Variants in HPSE2 observed in about 807,000 individuals in gnomAD.
HPSE2 encodes heparanase 2 (inactive), also known as inactive heparanase-2.
In HPSE2, 38 loss-of-function variants were observed where a neutral mutation model predicts 60.5. That is an observed-to-expected ratio of 0.63 (90% CI 0.48 to 0.82). The LOEUF is 0.82. HPSE2 is among the 40% of genes least tolerant of loss of function. The pLI is 0.00. For missense variants in HPSE2, 713 were observed against 740.4 expected (o/e 0.96, Z 0.43); for synonymous variants, 295 against 293.2 (o/e 1.01, Z -0.06).
intron 3 of HPSE2, among the ~76,000 whole-genome samples, chr10:99,033,792 A>T (rs10883250): frequency 0.47 from 71,903 of 151,848 alleles, 19,669 homozygotes; most frequent in Non-Finnish European, 0.62. Context: ...CAAAAAAAAA[A>T]AAACACAAAA....
At chr10:98,820,073 G>T (rs559110741) in intron 3 of HPSE2, among the ~76,000 whole-genome samples, 1 of 152,078 alleles carries the variant, frequency 6.6e-6, no homozygotes, top group East Asian at 1.9e-4. Flanking sequence ...TGGACACTGG[G>T]AGTCAAATTT....
the HPSE2 span, among the ~76,000 whole-genome samples, chr10:99,264,366 C>T: frequency 6.6e-5 from 10 of 152,152 alleles, no homozygotes; most frequent in African/African-American, 9.7e-5. Flanking sequence ...GGATTACAGG[C>T]GTGAGGCACT....
At chr10:98,803,745 T>G (rs1293394231) in intron 3 of HPSE2, among the ~76,000 whole-genome samples, 2 of 150,972 alleles carry the variant, frequency 1.3e-5, no homozygotes, top group Non-Finnish European at 3.0e-5. Flanking sequence ...TAGTTTGAAG[T>G]CAGGTAGCAT....
At chr10:98,850,336 GAATT>G (rs974110134) in intron 3 of HPSE2, among the ~76,000 whole-genome samples, 3 of 152,098 alleles carry the variant, frequency 2.0e-5, no homozygotes, top group Non-Finnish European at 2.9e-5. Context: ...GATAAAGAAA[GAATT>G]AATAGGAACA....
intron 3 of HPSE2, among the ~76,000 whole-genome samples, chr10:98,842,988 C>G (rs1292023997): frequency 6.6e-6 from 1 of 152,020 alleles, no homozygotes; most frequent in Non-Finnish European, 1.5e-5. Flanking sequence ...CAGTAGTATA[C>G]ATTTATGTTT....
the HPSE2 span, among the ~76,000 whole-genome samples, chr10:99,291,802 C>T: frequency 6.6e-6 from 1 of 152,106 alleles, no homozygotes; most frequent in African/African-American, 2.4e-5. Context: ...CTTTTTCTTC[C>T]TTGGCTCACA....
intron 3 of HPSE2, among the ~76,000 whole-genome samples, chr10:99,042,727 C>T (rs1203507557): frequency 6.6e-6 from 1 of 151,846 alleles, no homozygotes; most frequent in African/African-American, 2.4e-5. Context: ...TGGCCCCTCA[C>T]CTAACATTCA....
intron 3 of HPSE2, among the ~76,000 whole-genome samples, chr10:98,834,104 G>A (rs1366368623): frequency 6.6e-6 from 1 of 152,078 alleles, no homozygotes; most frequent in Non-Finnish European, 1.5e-5. Context: ...CCAACTGATT[G>A]TAAAACACAC....
chr10:98,638,197 G>A (rs1391810766), intron 7 of HPSE2, among the ~76,000 whole-genome samples: 1 of 138,906 alleles, frequency 7.2e-6, no homozygotes, highest in Non-Finnish European at 1.5e-5. Context: ...TGTAATCCCA[G>A]CACTTTGGGA....
intron 3 of HPSE2, among the ~76,000 whole-genome samples, chr10:98,816,966 C>T (rs141265102): frequency 0.013 from 2,032 of 152,164 alleles, 29 homozygotes; most frequent in South Asian, 0.036. Flanking sequence ...TCTTTGGAAT[C>T]GGATGAGGTA....
chr10:98,917,828 T>C (rs1954164732), intron 3 of HPSE2, among the ~76,000 whole-genome samples: 1 of 152,240 alleles, frequency 6.6e-6, no homozygotes, highest in Non-Finnish European at 1.5e-5. Context: ...GGAAGTTTCA[T>C]TTCTTTTCTG....
the HPSE2 span, among the ~76,000 whole-genome samples, chr10:99,257,661 G>C: frequency 1.3e-5 from 2 of 152,162 alleles, no homozygotes; most frequent in Non-Finnish European, 2.9e-5. Flanking sequence ...CCCTGGTCCT[G>C]TGGTCCTGTG....
Position 98,517,427 on chromosome 10 carries a change from T to C in HPSE2, c.1321-27231A>G, listed in dbSNP as rs564400737. Among the ~76,000 whole-genome samples, 6 of 152,206 alleles carry C rather than the reference T, an allele frequency of 3.9e-5. No homozygotes were observed. In the South Asian group the frequency reaches 1.2e-3, roughly 32 times the overall value. On this transcript the variant is annotated intron_variant, in intron 9 of 11. Transcript: ENST00000370552. ...GAGTGTGGCAAATGGAAAACACTGG[T>C]TCATTCCCTTCCCATAGAACATCAG...
intron 9 of HPSE2, among the ~76,000 whole-genome samples, chr10:98,530,215 T>G (rs1049614248): frequency 5.9e-5 from 9 of 152,200 alleles, no homozygotes; most frequent in African/African-American, 2.2e-4. Context: ...CGCTCTCTCC[T>G]GCTCAAAGGT....
intron 1 of HPSE2, among the ~76,000 whole-genome samples, chr10:99,233,258 G>T (rs1210826811): frequency 6.6e-6 from 1 of 151,960 alleles, no homozygotes; most frequent in African/African-American, 2.4e-5. Context: ...TTTGGCCCCT[G>T]AAATAATTCC....
In HPSE2 at chr10:98,620,715, A is replaced by G. The variant is rs1228037272; in HGVS notation, c.1099-7T>C. Reference sequence around the variant, plus strand: ...GAGTGTATGTATTAACCACCTGTTTACACAACAAAAGCAGAAGGGGATAAC... The same window carrying G: ...GAGTGTATGTATTAACCACCTGTTTGCACAACAAAAGCAGAAGGGGATAAC... On this transcript the variant is annotated splice_polypyrimidine_tract_variant and splice_region_variant and intron_variant, in intron 7 of 11. Coordinates refer to ENST00000370552, the MANE Select transcript of HPSE2 (RefSeq NM_021828.5). The G allele has an allele frequency of 5.6e-6, 9 of 1,595,994 alleles. No individual in the cohort carries two copies. Among genetic ancestry groups the G allele is most frequent in the Non-Finnish European group, 5.2e-6 (6 of 1,164,128 alleles).
intron 3 of HPSE2, among the ~76,000 whole-genome samples, chr10:98,777,368 C>T (rs1042283967): frequency 2.0e-5 from 3 of 152,204 alleles, no homozygotes; most frequent in East Asian, 1.9e-4. Flanking sequence ...TTTACATACA[C>T]GAGAATATAA....
chr10:98,681,046 G>A (rs1947774003), intron 6 of HPSE2, among the ~76,000 whole-genome samples: 1 of 150,674 alleles, frequency 6.6e-6, no homozygotes, highest in African/African-American at 2.4e-5. Context: ...TTACAGGTGT[G>A]AGCCACCATG....
At chr10:98,933,892 C>A (rs1260541641) in intron 3 of HPSE2, among the ~76,000 whole-genome samples, 1 of 141,416 alleles carries the variant, frequency 7.1e-6, no homozygotes, top group African/African-American at 2.9e-5. Flanking sequence ...CCACCACACC[C>A]GGCTAATGTT....
Sources: allele counts gnomAD v4.1 joint callset (sites outside exome capture counted in the v4.1 genomes callset), GRCh38; gene constraint gnomAD v4.1.1; transcripts MANE v1.5; gene names NCBI Gene and HGNC (gene_info 2026-07-23, HGNC 2026-07-21).